OVCH2: variants seen among roughly 807,000 people sequenced by gnomAD.
OVCH2 encodes the protein ovochymase 2, also known as ovochymase-2.
OVCH2 carries 88 observed loss-of-function variants against 73.7 expected under a neutral mutation model. The ratio of observed to expected loss-of-function variants is 1.19; its 90% CI spans 1.01 to 1.43. OVCH2 has a LOEUF of 1.43. Among genes scored for constraint, OVCH2 ranks in the 40% most tolerant of loss-of-function variants. The pLI, the probability that OVCH2 is intolerant of heterozygous loss-of-function variation, is 0.00. For synonymous variants in OVCH2, 265 were observed against 234.5 expected, an observed-to-expected ratio of 1.13 and a Z score of -1.19; for missense variants, 706 against 674.5, an observed-to-expected ratio of 1.05 and a Z score of -0.52.
chr11:7,699,599 T>C (rs1258205052), intron 7 of OVCH2: 2 of 152,202 alleles, frequency 1.3e-5, no homozygotes, highest in African/African-American at 2.4e-5. Context: ...TCTCCAAATA[T>C]TTTTGATCCA....
rs756714867 is a variant in OVCH2 at position 7,701,771 on chromosome 11, C to T, written c.504G>A (p.Glu168=). 10 of 1,612,488 alleles carry T rather than the reference C, an allele frequency of 6.2e-6. No homozygotes were observed. In the Admixed American group the frequency reaches 6.7e-5, roughly 11 times the overall value. ...VGPICLPELR[E]QFEAGFICTT... is the part of the protein sequence containing the mutation. Reference sequence around the variant, plus strand: ...TACAAATAAAACCAGCCTCAAATTGCTCCCGCAGCTCTGGAAGACATATGG... The same window carrying T: ...TACAAATAAAACCAGCCTCAAATTGTTCCCGCAGCTCTGGAAGACATATGG... Residue 168 remains glutamate (E), a synonymous_variant, in exon 5 of 16, where the codon GAG becomes GAA. Coordinates refer to ENST00000533663, the MANE Select transcript of OVCH2 (RefSeq NM_198185.7).
intron 8 of OVCH2, among the ~76,000 whole-genome samples, chr11:7,697,910 G>A (rs772290574): frequency 5.3e-5 from 8 of 152,052 alleles, no homozygotes; most frequent in Non-Finnish European, 7.4e-5. Context: ...TTACTCAATC[G>A]TATCCAAACT....
At chr11:7,689,362 G>A, downstream of OVCH2, 1 of 224,048 alleles carries the variant, frequency 4.5e-6, no homozygotes, top group Admixed American at 5.1e-5. Context: ...TGCTTAGTCA[G>A]CCCCCACAAT....
chr11:7,694,760 C>T (rs969030552), intron 12 of OVCH2, among the ~76,000 whole-genome samples: 8 of 151,506 alleles, frequency 5.3e-5, no homozygotes, highest in Non-Finnish European at 1.5e-5. Flanking sequence ...TACAGGCGCC[C>T]GCCACCGCGC....
chr11:7,695,316 GAC>G (rs1565167693), intron 11 of OVCH2, 128 bp from the exon 12 acceptor site: 2 of 1,220,252 alleles, frequency 1.6e-6, no homozygotes, highest in Admixed American at 2.8e-5. Context: ...AACAAGAAAA[GAC>G]GTAGTGCATG....
At chr11:7,697,631 A>G (rs898950450) in intron 8 of OVCH2, among the ~76,000 whole-genome samples, 1 of 152,112 alleles carries the variant, frequency 6.6e-6, no homozygotes, top group African/African-American at 2.4e-5. Flanking sequence ...TTAGTCTCTC[A>G]TGCTCAAAAC....
Position 7,700,328 on chromosome 11 carries a change from A to C in OVCH2, c.869T>G (p.Val290Gly). 1 of 1,613,870 alleles carries C rather than the reference A, an allele frequency of 6.2e-7. No homozygotes were observed. The highest frequency in any genetic ancestry group is 8.5e-7 in the Non-Finnish European group (1 of 1,179,834). Residue 290 changes from valine to glycine, a missense_variant, in exon 7 of 16, where the codon GTG becomes GGG. Transcript: ENST00000533663. ...GATGTGTTCGTGGATCCAGGGAAGC[A>C]CTTTACTAATGTCTGTGAAGATCCC... ...SPGIFTDISK[V>G]LPWIHEHIQT...
In OVCH2 at chr11:7,695,202, A is replaced by G; in HGVS notation, c.1283-14T>C. The G allele has an allele frequency of 6.4e-7, 1 of 1,552,016 alleles. No individual in the cohort carries two copies. The highest frequency in any genetic ancestry group is 8.7e-7 in the Non-Finnish European group (1 of 1,150,152). On this transcript the variant is annotated splice_polypyrimidine_tract_variant and intron_variant, in intron 11 of 15. Coordinates refer to ENST00000533663, the MANE Select transcript of OVCH2 (RefSeq NM_198185.7). ...TGCAACCTGAATCTGAAACGTAAGA[A>G]AAAGTCCAAACAGATGGCACCATTC... is the stretch of plus-strand genomic sequence containing the variant.
chr11:7,683,690 C>T, the OVCH2 span, among the ~76,000 whole-genome samples: 1 of 152,214 alleles, frequency 6.6e-6, no homozygotes, highest in African/African-American at 2.4e-5. Context: ...CACCTACCTT[C>T]TCTGATATCC....
In OVCH2 at chr11:7,704,779, G is replaced by A. The variant is rs544450612; in HGVS notation, c.89-105C>T. ...ACTGAGTCTGAGACTATGGTGTATG[G>A]TGCTCAGCACACATTCAGATATCAA... On this transcript the variant is annotated intron_variant, in intron 1 of 15. Transcript: ENST00000533663. 1.5e-4 allele frequency: 107 copies of A among 703,168 alleles called. No individual in the cohort carries two copies. The African/African-American group carries it at 1.7e-3, about 11-fold the overall frequency. 43.6% of individuals were successfully genotyped at this position (703,168 alleles called of 1,614,324 possible).
In OVCH2 at chr11:7,691,283, A is replaced by T; in HGVS notation, c.1625T>A (p.Phe542Tyr). 1.2e-6 allele frequency: 2 copies of T among 1,612,382 alleles called. No homozygotes were observed. Among genetic ancestry groups the T allele is most frequent in the Non-Finnish European group, 1.7e-6 (2 of 1,179,234 alleles). ...TCRGFQATVS[F>Y]IPKAVYPDLN... ...TATCTTCTTACCTGCTTTAGGAATG[A>T]AGGAGACTGTAGCCTGAAAGCCCCT... Residue 542 changes from phenylalanine to tyrosine, a missense_variant, in exon 14 of 16, where the codon TTC becomes TAC. Transcript: ENST00000533663.
chr11:7,683,542 A>G, the OVCH2 span, among the ~76,000 whole-genome samples: 1 of 152,178 alleles, frequency 6.6e-6, no homozygotes, highest in Non-Finnish European at 1.5e-5. Flanking sequence ...CTGCAGTCTA[A>G]TTTCAATACA....
chr11:7,698,720 CTG>C, intron 8 of OVCH2, 28 bp downstream of exon 8: 1 of 1,606,378 alleles, frequency 6.2e-7, no homozygotes. Flanking sequence ...ATTTGTGCTC[CTG>C]ATGGAGCAGC....
In OVCH2 at chr11:7,698,788, G is replaced by A; in HGVS notation, c.902-15C>T. The A allele has an allele frequency of 6.2e-7, 1 of 1,612,482 alleles. No individual in the cohort carries two copies. Among genetic ancestry groups the A allele is most frequent in the Non-Finnish European group, 8.5e-7 (1 of 1,179,364 alleles). On this transcript the variant is annotated splice_polypyrimidine_tract_variant and intron_variant, in intron 7 of 15. Coordinates refer to ENST00000533663, the MANE Select transcript of OVCH2 (RefSeq NM_198185.7). Reference sequence around the variant, plus strand: ...TCTCCGATTACCTGGGAAAGGAAAAGAAGGATGCAATTGAAAGCCTGTGGT... The same window carrying A: ...TCTCCGATTACCTGGGAAAGGAAAAAAAGGATGCAATTGAAAGCCTGTGGT...
At chr11:7,693,616 A>G (rs1856262818) in intron 12 of OVCH2, among the ~76,000 whole-genome samples, 1 of 152,194 alleles carries the variant, frequency 6.6e-6, no homozygotes. Context: ...CTCACAACCT[A>G]AATTTTATCC....
At chr11:7,685,830 T>G (rs1856136662), downstream of OVCH2, among the ~76,000 whole-genome samples, 1 of 152,230 alleles carries the variant, frequency 6.6e-6, no homozygotes, top group East Asian at 1.9e-4. Flanking sequence ...AGTAATTACT[T>G]GTTGATTACT....
the OVCH2 span, among the ~76,000 whole-genome samples, chr11:7,683,050 C>T: frequency 6.6e-6 from 1 of 152,134 alleles, no homozygotes; most frequent in East Asian, 1.9e-4. Context: ...GTTGGAGTGC[C>T]CCAGGGCTCA....
chr11:7,704,774 G>A, intron 1 of OVCH2, 100 bp from the exon 2 acceptor site: 1 of 733,752 alleles, frequency 1.4e-6, no homozygotes, highest in Non-Finnish European at 2.3e-6. Flanking sequence ...AGACTATGGT[G>A]TATGGTGCTC....
At chr11:7,679,209 G>A in the OVCH2 span, among the ~76,000 whole-genome samples, 2 of 152,166 alleles carry the variant, frequency 1.3e-5, no homozygotes, top group Admixed American at 6.5e-5. Context: ...TATATATTTG[G>A]TCTTCCTCCC....
Sources: gnomAD v4.1 joint callset for allele counts (sites outside exome capture counted in the v4.1 genomes callset) on GRCh38, gnomAD v4.1.1 for gene constraint, MANE v1.5 for transcripts, NCBI Gene and HGNC (gene_info 2026-07-23, HGNC 2026-07-21) for gene names.